ARIH2: variants seen among roughly 807,000 people sequenced by gnomAD.
ARIH2 encodes the protein E3 ubiquitin-protein ligase ARIH2.
ARIH2 carries 12 observed loss-of-function variants against 79.8 expected under a neutral mutation model. The ratio of observed to expected loss-of-function variants is 0.15; its 90% CI spans 0.10 to 0.24. The LOEUF (loss-of-function observed/expected upper bound fraction) is 0.24. Among genes scored for constraint, ARIH2 ranks in the 10% least tolerant of loss-of-function variants. The probability of loss-of-function intolerance (pLI) is 1.00; values close to 1 mark genes in which losing one functional copy is unlikely to be tolerated. For missense variants in ARIH2, 301 were observed against 618.3 expected, an observed-to-expected ratio of 0.49 and a Z score of 5.44; for synonymous variants, 224 against 213.9, an observed-to-expected ratio of 1.05 and a Z score of -0.41.
At chr3:48,981,798 A>C in intron 14 of ARIH2, 70 bp downstream of exon 14, 1 of 1,276,256 alleles carries the variant, frequency 7.8e-7, no homozygotes, top group Non-Finnish European at 1.1e-6. Context: ...AGCACTTTGC[A>C]GGAGAGTGAG....
intron 3 of ARIH2, chr3:48,945,331 C>T (rs769137310): frequency 1.4e-4 from 82 of 585,262 alleles, no homozygotes; most frequent in Non-Finnish European, 1.8e-4. Flanking sequence ...GATAAAGAAG[C>T]CACTGATCAC....
At chr3:48,944,082 G>A (rs923075151) in intron 3 of ARIH2, among the ~76,000 whole-genome samples, 1 of 152,122 alleles carries the variant, frequency 6.6e-6, no homozygotes, top group Non-Finnish European at 1.5e-5. Flanking sequence ...TCTAGGAGGG[G>A]CAGTAACCAG....
intron 3 of ARIH2, among the ~76,000 whole-genome samples, chr3:48,960,363 T>C (rs1438256007): frequency 6.6e-6 from 1 of 152,070 alleles, no homozygotes; most frequent in Non-Finnish European, 1.5e-5. Context: ...GAGGATCACC[T>C]GAGCCCAGGA....
chr3:48,961,586 C>T (rs763130779), intron 3 of ARIH2, 26 bp from the exon 4 acceptor site: 9 of 1,418,546 alleles, frequency 6.3e-6, no homozygotes, highest in South Asian at 1.2e-5. Context: ...AGTTATAATT[C>T]GATTTTTTTT....
intron 3 of ARIH2, among the ~76,000 whole-genome samples, chr3:48,952,075 T>A (rs115205919): frequency 6.6e-5 from 10 of 152,332 alleles, no homozygotes; most frequent in African/African-American, 2.4e-4. Flanking sequence ...TATATACATT[T>A]ATAGTTTTAA....
chr3:48,982,647 G>T, intron 14 of ARIH2: 1 of 453,694 alleles, frequency 2.2e-6, no homozygotes, highest in Non-Finnish European at 3.9e-6. Flanking sequence ...TTCTTTGCCT[G>T]CCTTTGGGAG....
Position 48,986,238 on chromosome 3 carries a change from T to G in ARIH2, c.*2968T>G, listed in dbSNP as rs1389592774. 6.6e-6 allele frequency: 1 copy of G among 152,234 alleles called. No individual in the cohort carries two copies. Among genetic ancestry groups the G allele is most frequent in the Non-Finnish European group, 1.5e-5 (1 of 68,048 alleles). 9.4% of individuals were successfully genotyped at this position (152,234 alleles called of 1,614,324 possible). Reference sequence around the variant, plus strand: ...TGTGCCAAGCCCCACGCTTGGCACCTGGGCATACAGTGGTATGCAAGTGAT... The same window carrying G: ...TGTGCCAAGCCCCACGCTTGGCACCGGGGCATACAGTGGTATGCAAGTGAT... On this transcript the variant is annotated 3_prime_UTR_variant, in exon 16 of 16. Coordinates refer to ENST00000356401, the MANE Select transcript of ARIH2 (RefSeq NM_006321.4).
At chr3:48,973,107 T>G (rs1033045596) in intron 8 of ARIH2, among the ~76,000 whole-genome samples, 1 of 152,226 alleles carries the variant, frequency 6.6e-6, no homozygotes, top group African/African-American at 2.4e-5. Flanking sequence ...TAACTCTGGG[T>G]AGGTAAAGGT....
intron 5 of ARIH2, among the ~76,000 whole-genome samples, chr3:48,965,727 G>A (rs988461013): frequency 2.6e-5 from 4 of 152,202 alleles, no homozygotes; most frequent in Admixed American, 6.5e-5. Context: ...TTGGGGGGCC[G>A]AGGCGGGCGG....
chr3:48,920,364 T>G (rs2084641086), intron 1 of ARIH2, among the ~76,000 whole-genome samples: 1 of 150,502 alleles, frequency 6.6e-6, no homozygotes, highest in Admixed American at 6.7e-5. Context: ...GATTAAAAAT[T>G]AAATTTTCAT....
chr3:48,976,857 T>C (rs570674303), intron 11 of ARIH2, among the ~76,000 whole-genome samples: 7 of 151,984 alleles, frequency 4.6e-5, no homozygotes, highest in Admixed American at 3.9e-4. Flanking sequence ...TGAGCCGAGA[T>C]TGTGCCACTG....
intron 12 of ARIH2, chr3:48,979,873 C>A: frequency 5.1e-6 from 2 of 392,220 alleles, no homozygotes; most frequent in Non-Finnish European, 9.0e-6. Context: ...GATTGAAGGA[C>A]AATGAAGGGC....
chr3:48,920,316 A>T (rs933383927), intron 1 of ARIH2, among the ~76,000 whole-genome samples: 2 of 151,516 alleles, frequency 1.3e-5, no homozygotes, highest in Non-Finnish European at 2.9e-5. Flanking sequence ...TGCCCGGCCC[A>T]CTTTTTCAAG....
At chr3:48,974,025 A>G (rs2092381380) in intron 9 of ARIH2, among the ~76,000 whole-genome samples, 1 of 152,164 alleles carries the variant, frequency 6.6e-6, no homozygotes. Context: ...ATTATGATGA[A>G]ATGCCAAAAT....
In ARIH2 at chr3:48,927,689, G is replaced by C. The variant is rs746090221; in HGVS notation, c.131G>C (p.Ser44Thr). The change falls in exon 3 of 16, where the codon AGC becomes ACC. Residue 44 changes from serine to threonine, a missense_variant. Transcript: ENST00000356401. ...DIEDYYVGVASDVEQQGADAF... is the reference protein window; with the variant it reads ...DIEDYYVGVATDVEQQGADAF... ...GAGGACTATTACGTGGGAGTAGCCAGCGATGTGGAGCAGCAGGGGGCTGAT... is the reference window on the plus strand; with the variant it reads ...GAGGACTATTACGTGGGAGTAGCCACCGATGTGGAGCAGCAGGGGGCTGAT... The C allele has an allele frequency of 1.2e-6, 2 of 1,614,056 alleles. No homozygotes were observed. The highest frequency in any genetic ancestry group is 2.2e-5 in the East Asian group (1 of 44,900).
chr3:48,954,662 A>G (rs2090377605), intron 3 of ARIH2, among the ~76,000 whole-genome samples: 1 of 152,186 alleles, frequency 6.6e-6, no homozygotes, highest in African/African-American at 2.4e-5. Context: ...CTCTTTAAAC[A>G]GGGATGAGAT....
At chr3:48,972,639 C>T (rs756196281) in intron 8 of ARIH2, among the ~76,000 whole-genome samples, 6 of 151,974 alleles carry the variant, frequency 3.9e-5, no homozygotes, top group Non-Finnish European at 8.8e-5. Context: ...AGCGAAACTC[C>T]ATTTCAGAAA....
At chr3:48,973,852 T>A in intron 9 of ARIH2, 36 bp downstream of exon 9, 1 of 1,480,978 alleles carries the variant, frequency 6.8e-7, no homozygotes. Context: ...GGATTTGCCC[T>A]CCTTAGTGCT....
chr3:48,941,935 G>T lies in ARIH2; in HGVS notation c.255+14122G>T, dbSNP rs2088338942. 2.6e-5 allele frequency among the ~76,000 whole-genome samples: 4 copies of T among 151,344 alleles called. No homozygotes were observed. In the South Asian group the frequency reaches 8.4e-4, roughly 32 times the overall value. On this transcript the variant is annotated intron_variant, in intron 3 of 15. Transcript: ENST00000356401. The stretch of plus-strand genomic sequence containing the variant: ...AAGTCTCATTCTGTCACCCAGGCTA[G>T]AATGCAGTGGCATGATCTTGGCACA...
Sources: gnomAD v4.1 joint callset for allele counts (sites outside exome capture counted in the v4.1 genomes callset) on GRCh38, gnomAD v4.1.1 for gene constraint, MANE v1.5 for transcripts, NCBI Gene and HGNC (gene_info 2026-07-23, HGNC 2026-07-21) for gene names.